MAGI1: variants seen among roughly 807,000 people sequenced by gnomAD.
MAGI1 encodes membrane-associated guanylate kinase, WW and PDZ domain-containing protein 1.
Under a neutral mutation model 139.9 loss-of-function variants are expected in MAGI1, and 58 were observed. The ratio of observed to expected loss-of-function variants is 0.41; its 90% confidence interval spans 0.34 to 0.52. The LOEUF (loss-of-function observed/expected upper bound fraction) is 0.52, where lower values mean the gene tolerates loss of function less well. Among genes scored for constraint, MAGI1 ranks in the 20% least tolerant of loss-of-function variants. MAGI1 has a pLI of 0.12. For missense variants in MAGI1, 1,874 were observed against 1,901.6 expected (o/e 0.99, Z 0.27); for synonymous variants, 812 against 737.9 (o/e 1.10, Z -1.63).
chr3:65,622,728 T>C (rs1433636927), intron 1 of MAGI1, among the ~76,000 whole-genome samples: 4 of 152,176 alleles, frequency 2.6e-5, no homozygotes, highest in Non-Finnish European at 5.9e-5. Context: ...TACACCTAGC[T>C]AATTTATATA....
At chr3:65,733,777 C>T (rs2034433599) in intron 1 of MAGI1, among the ~76,000 whole-genome samples, 1 of 152,194 alleles carries the variant, frequency 6.6e-6, no homozygotes, top group Non-Finnish European at 1.5e-5. Context: ...GATATTTCTT[C>T]CTTGCCTGCT....
At chr3:65,789,001 GACC>G (rs1250949245) in intron 1 of MAGI1, among the ~76,000 whole-genome samples, 1 of 151,930 alleles carries the variant, frequency 6.6e-6, no homozygotes, top group African/African-American at 2.4e-5. Context: ...AACATAGTGA[GACC>G]CCATCTCTAC....
chr3:66,006,984 C>G (rs916202478), intron 1 of MAGI1, among the ~76,000 whole-genome samples: 8 of 150,230 alleles, frequency 5.3e-5, no homozygotes, highest in Admixed American at 4.0e-4. Context: ...GTGCATGTCA[C>G]CATGCCCAGC....
chr3:65,609,593 G>GT (rs140815906), intron 2 of MAGI1, among the ~76,000 whole-genome samples: 10,566 of 149,896 alleles, frequency 0.07, 401 homozygotes, highest in African/African-American at 0.12. Flanking sequence ...TTTTGTTTTT[G>GT]TTTTTTTTTG....
Position 65,470,360 on chromosome 3 carries a change from A to G in MAGI1, c.882T>C (p.Ser294=). 2 of 1,613,690 alleles carry G rather than the reference A, an allele frequency of 1.2e-6. No individual in the cohort carries two copies. The highest frequency in any genetic ancestry group is 1.7e-6 in the Non-Finnish European group (2 of 1,179,664). The change falls in exon 5 of 23, where the codon TCT becomes TCC. Residue 294 remains serine, a synonymous_variant. Coordinates refer to ENST00000402939, the MANE Select transcript of MAGI1 (RefSeq NM_001033057.2). ...GTAGAGGACCTAAATTATCCTCTGC[A>G]GAAAGAGGTAGGTATTGAGGGAACT... ...SQKFPQYLPL[S]AEDNLGPLPE... is the part of the protein sequence containing the mutation.
intron 12 of MAGI1, among the ~76,000 whole-genome samples, chr3:65,427,515 G>A (rs1947140700): frequency 6.6e-6 from 1 of 152,176 alleles, no homozygotes; most frequent in African/African-American, 2.4e-5. Context: ...GGATAGATGA[G>A]TTAGGAGAAC....
chr3:65,688,137 T>C lies in MAGI1; in HGVS notation c.314-66049A>G, dbSNP rs2088227662. The C allele has an allele frequency of 9.2e-6, 7 of 760,118 alleles. No individual in the cohort carries two copies. In the Admixed American group the frequency reaches 1.1e-4, roughly 12 times the overall value. The allele number at this position is 760,118 out of a possible 1,614,324, so 47.1% of individuals were successfully genotyped here. Reference sequence around the variant, plus strand: ...CTTGCAGATTCTAGGTGCAGGACTGTTCCTGCCAGGGTCCATGGGTATCAC... The same window carrying C: ...CTTGCAGATTCTAGGTGCAGGACTGCTCCTGCCAGGGTCCATGGGTATCAC... On this transcript the variant is annotated intron_variant, in intron 1 of 22. Transcript: ENST00000402939.
intron 5 of MAGI1, among the ~76,000 whole-genome samples, chr3:65,459,686 GC>G (rs1200339080): frequency 6.6e-6 from 1 of 152,134 alleles, no homozygotes; most frequent in African/African-American, 2.4e-5. Flanking sequence ...ACTTTGGGTG[GC>G]TGAGGCAGGT....
chr3:65,572,343 T>C (rs1244424867), intron 2 of MAGI1, among the ~76,000 whole-genome samples: 1 of 152,028 alleles, frequency 6.6e-6, no homozygotes, highest in Non-Finnish European at 1.5e-5. Flanking sequence ...AAGAGGGCAG[T>C]AAATGTAAAC....
chr3:65,956,218 C>T (rs1057384060), intron 1 of MAGI1, among the ~76,000 whole-genome samples: 2 of 152,208 alleles, frequency 1.3e-5, no homozygotes, highest in African/African-American at 2.4e-5. Context: ...CTGTGACTCA[C>T]TGTTTGATAA....
At chr3:65,651,729 A>C (rs938674638) in intron 1 of MAGI1, among the ~76,000 whole-genome samples, 4 of 152,068 alleles carry the variant, frequency 2.6e-5, no homozygotes, top group Admixed American at 2.6e-4. Flanking sequence ...TATCCAGAGG[A>C]TCCAAGAGAG....
intron 5 of MAGI1, among the ~76,000 whole-genome samples, chr3:65,460,583 C>G (rs750359769): frequency 8.6e-5 from 13 of 152,004 alleles, no homozygotes; most frequent in Non-Finnish European, 1.5e-4. Flanking sequence ...TTCAGGGATA[C>G]ATGTGCAGAA....
intron 1 of MAGI1, among the ~76,000 whole-genome samples, chr3:65,928,422 T>C (rs2062630283): frequency 6.6e-6 from 1 of 152,220 alleles, no homozygotes; most frequent in Non-Finnish European, 1.5e-5. Flanking sequence ...TTTTCAGATA[T>C]TGAACTGGTA....
chr3:65,579,252 G>A (rs1321659166), intron 2 of MAGI1, among the ~76,000 whole-genome samples: 1 of 152,074 alleles, frequency 6.6e-6, no homozygotes, highest in Non-Finnish European at 1.5e-5. Flanking sequence ...GTCTTACCCA[G>A]GTCATGATGG....
intron 1 of MAGI1, among the ~76,000 whole-genome samples, chr3:65,822,004 A>G (rs264120): frequency 1 from 152,289 of 152,300 alleles, 76,139 homozygotes; most frequent in Non-Finnish European, 1. Flanking sequence ...AAAGATGGAA[A>G]GCATCAAGTG....
At chr3:66,014,018 A>G (rs1322151681) in intron 1 of MAGI1, among the ~76,000 whole-genome samples, 2 of 151,978 alleles carry the variant, frequency 1.3e-5, no homozygotes, top group Non-Finnish European at 2.9e-5. Context: ...ATCTTCCTCA[A>G]TTTCCCTCAT....
At chr3:65,558,952 C>T (rs1407956151) in intron 2 of MAGI1, among the ~76,000 whole-genome samples, 2 of 152,184 alleles carry the variant, frequency 1.3e-5, no homozygotes, top group Non-Finnish European at 2.9e-5. Context: ...ACTTCATTCT[C>T]AAGTACTACT....
At chr3:65,803,926 A>G (rs1370151881) in intron 1 of MAGI1, among the ~76,000 whole-genome samples, 5 of 152,228 alleles carry the variant, frequency 3.3e-5, no homozygotes, top group Non-Finnish European at 7.3e-5. Context: ...CTCAGAAACA[A>G]TAACACGAGT....
intron 1 of MAGI1, among the ~76,000 whole-genome samples, chr3:65,691,119 G>A (rs919087180): frequency 4.6e-5 from 7 of 151,774 alleles, no homozygotes; most frequent in South Asian, 2.1e-4. Context: ...TGGCTAACAC[G>A]GGGAAACCCC....
Sources: allele counts gnomAD v4.1 joint callset (sites outside exome capture counted in the v4.1 genomes callset), GRCh38; gene constraint gnomAD v4.1.1; transcripts MANE v1.5; gene names NCBI Gene and HGNC (gene_info 2026-07-23, HGNC 2026-07-21).